CHN2: variants seen among roughly 807,000 people sequenced by gnomAD.
The protein encoded by CHN2 is beta-chimaerin.
In CHN2, 35 loss-of-function variants were observed where a neutral mutation model predicts 56.3. That is an observed-to-expected ratio of 0.62 (90% CI 0.47 to 0.82). The LOEUF (loss-of-function observed/expected upper bound fraction) is 0.82. Ranked by LOEUF, CHN2 falls within the 40% of genes least tolerant of loss-of-function variation. The probability of loss-of-function intolerance (pLI) is 0.00; values close to 1 mark genes in which losing one functional copy is unlikely to be tolerated. For synonymous variants in CHN2, 210 were observed against 212.8 expected (o/e 0.99, Z 0.12); for missense variants, 491 against 580.5 (o/e 0.85, Z 1.58).
intron 1 of CHN2, among the ~76,000 whole-genome samples, chr7:29,263,829 G>C (rs1341857395): frequency 6.8e-6 from 1 of 146,460 alleles, no homozygotes; most frequent in Non-Finnish European, 1.5e-5. Context: ...GTCTCTGACC[G>C]GCCGCCTCGT....
At chr7:29,221,900 T>C (rs1332329479) in intron 1 of CHN2, among the ~76,000 whole-genome samples, 1 of 152,238 alleles carries the variant, frequency 6.6e-6, no homozygotes, top group Admixed American at 6.5e-5. Context: ...TTTGCTGTTG[T>C]GAATAGTGCT....
rs150206542 is a variant in CHN2 at position 29,416,003 on chromosome 7, G to T, written c.576+15175G>T. On this transcript the variant is annotated intron_variant, in intron 6 of 12. Coordinates refer to ENST00000222792, the MANE Select transcript of CHN2 (RefSeq NM_004067.4). ...TTTACTGGGTTTGGGGAGAAGAGTG[G>T]GAGGAAGCAGGAAACCCATTATTCC... Among the ~76,000 whole-genome samples the T allele has an allele frequency of 5.3e-3, 809 of 152,262 alleles. 4 individuals carry two copies. The highest frequency in any genetic ancestry group is 0.014 in the Middle Eastern group (4 of 294).
chr7:29,205,283 T>A (rs1472832508), intron 1 of CHN2, among the ~76,000 whole-genome samples: 1 of 152,188 alleles, frequency 6.6e-6, no homozygotes, highest in Non-Finnish European at 1.5e-5. Flanking sequence ...TTAGCATCCA[T>A]TTTTGGGTTT....
intron 5 of CHN2, 156 bp from the exon 6 acceptor site, chr7:29,400,387 G>A: frequency 2.9e-6 from 2 of 685,998 alleles, no homozygotes; most frequent in South Asian, 3.8e-5. Flanking sequence ...GTCTCAAAGG[G>A]TCTCTGTGAG....
chr7:29,350,953 C>A (rs1043033317), intron 1 of CHN2, among the ~76,000 whole-genome samples: 1 of 151,904 alleles, frequency 6.6e-6, no homozygotes, highest in African/African-American at 2.4e-5. Context: ...ACTAAAAATA[C>A]AAAAGTTAGC....
At chr7:29,432,117 GT>G (rs146212095) in intron 6 of CHN2, among the ~76,000 whole-genome samples, 1 of 151,890 alleles carries the variant, frequency 6.6e-6, no homozygotes, top group East Asian at 1.9e-4. Flanking sequence ...CACCTTCCCT[GT>G]TTTTTTTCAC....
intron 6 of CHN2, chr7:29,479,745 G>C (rs777913925): frequency 7.0e-6 from 8 of 1,137,188 alleles, no homozygotes; most frequent in Non-Finnish European, 8.7e-6. Flanking sequence ...TAATAAGGAG[G>C]AGAGACCTCT....
intron 1 of CHN2, among the ~76,000 whole-genome samples, chr7:29,252,578 G>GTTTTTGTTTTTTTTTTT (rs1788666189): frequency 5.1e-5 from 1 of 19,488 alleles, no homozygotes; most frequent in African/African-American, 3.1e-4. Flanking sequence ...TGCATTCTTT[G>GTTTTTGTTTTTTTTTTT]TTTTTTTTTT....
intron 1 of CHN2, among the ~76,000 whole-genome samples, chr7:29,227,423 C>T (rs926449833): frequency 1.4e-4 from 21 of 152,192 alleles, no homozygotes; most frequent in Non-Finnish European, 1.0e-4. Flanking sequence ...TAGAACTACT[C>T]CTTCTCATGG....
Sources: allele counts gnomAD v4.1 joint callset (sites outside exome capture counted in the v4.1 genomes callset), GRCh38; gene constraint gnomAD v4.1.1; transcripts MANE v1.5; gene names NCBI Gene and HGNC (gene_info 2026-07-23, HGNC 2026-07-21).